Variants in SYT14 observed in about 807,000 individuals in gnomAD.
The protein encoded by SYT14 is synaptotagmin-14.
A neutral mutation model predicts 74.2 loss-of-function variants in SYT14; 32 were observed. That is an observed-to-expected ratio of 0.43 (90% CI 0.33 to 0.58). The LOEUF is 0.58. SYT14 is among the 20% of genes least tolerant of loss of function. The pLI is 0.05. For synonymous variants in SYT14, 298 were observed against 337.7 expected, an observed-to-expected ratio of 0.88 and a Z score of 1.29; for missense variants, 791 against 981.8, an observed-to-expected ratio of 0.81 and a Z score of 2.60.
chr1:209,955,924 G>A (rs1283945213), intron 2 of SYT14, among the ~76,000 whole-genome samples: 1 of 151,984 alleles, frequency 6.6e-6, no homozygotes, highest in Non-Finnish European at 1.5e-5. Context: ...TCCCTAAGTT[G>A]TGTTTCAATT....
intron 2 of SYT14, among the ~76,000 whole-genome samples, chr1:210,006,066 AT>A (rs2079982729): frequency 6.6e-6 from 1 of 151,534 alleles, no homozygotes. Context: ...CTTAGAGGGC[AT>A]TTTTTTTCCC....
At chr1:210,169,233 T>G (rs1024265000) in exon 10 of SYT14, 18 of 139,386 alleles carry the variant, frequency 1.3e-4, no homozygotes, top group African/African-American at 4.5e-4. Context: ...TTTTTTTTTT[T>G]TTTTTTTTTT....
chr1:210,097,744 A>G (rs1362712831), intron 6 of SYT14, among the ~76,000 whole-genome samples: 8 of 152,228 alleles, frequency 5.3e-5, no homozygotes, highest in African/African-American at 1.9e-4. Flanking sequence ...TTTTAACAGA[A>G]TAAGAATATG....
chr1:210,062,152 G>T (rs1390408339), intron 5 of SYT14, among the ~76,000 whole-genome samples: 1 of 151,826 alleles, frequency 6.6e-6, no homozygotes, highest in Non-Finnish European at 1.5e-5. Context: ...ATGCATGACT[G>T]TCTGGTGTGC....
In SYT14 at chr1:210,075,613, A is replaced by T. The variant is rs371350959; in HGVS notation, c.1313-18709A>T. ...CTCCCAAAGTGCTGGAATTACAGGC[A>T]TGAGCCACCGTGCCTGGCCGGTCTT... is the stretch of plus-strand genomic sequence containing the variant. On this transcript the variant is annotated intron_variant, in intron 5 of 9. Transcript: ENST00000637265. 1.1e-4 allele frequency among the ~76,000 whole-genome samples: 17 copies of T among 152,230 alleles called. No homozygotes were observed. In the East Asian group the frequency reaches 2.5e-3, roughly 23 times the overall value.
intron 5 of SYT14, among the ~76,000 whole-genome samples, chr1:210,023,198 A>G (rs2080337776): frequency 6.6e-6 from 1 of 152,228 alleles, no homozygotes; most frequent in Non-Finnish European, 1.5e-5. Flanking sequence ...ATACACTGCT[A>G]GATACTGTGG....
chr1:209,974,876 CTT>C (rs1414502527), intron 2 of SYT14, among the ~76,000 whole-genome samples: 1 of 152,160 alleles, frequency 6.6e-6, no homozygotes, highest in Non-Finnish European at 1.5e-5. Context: ...TTTGTATCCT[CTT>C]TTATTTCATT....
At chr1:210,094,815 A>C (rs2081941379) in intron 6 of SYT14, among the ~76,000 whole-genome samples, 1 of 152,074 alleles carries the variant, frequency 6.6e-6, no homozygotes, top group South Asian at 2.1e-4. Context: ...CCACCACCAA[A>C]AGAAGATGGG....
intron 7 of SYT14, among the ~76,000 whole-genome samples, chr1:210,125,933 G>A (rs1323309856): frequency 6.6e-6 from 1 of 151,928 alleles, no homozygotes; most frequent in Non-Finnish European, 1.5e-5. Context: ...AGCCAGGCAC[G>A]GTGGCCCATG....
intron 2 of SYT14, among the ~76,000 whole-genome samples, chr1:210,007,909 A>T (rs1350568928): frequency 6.6e-6 from 1 of 152,186 alleles, no homozygotes; most frequent in Non-Finnish European, 1.5e-5. Flanking sequence ...CTTGAGTGTT[A>T]AATTTTAAAA....
chr1:210,135,247 G>T (rs1464106186), intron 7 of SYT14, among the ~76,000 whole-genome samples: 1 of 152,004 alleles, frequency 6.6e-6, no homozygotes, highest in African/African-American at 2.4e-5. Flanking sequence ...CTCCCAAGAT[G>T]CTGGGATTAC....
chr1:210,099,896 ACTTT>A (rs1191633484), intron 6 of SYT14, 112 bp from the exon 6 acceptor site: 8 of 1,014,406 alleles, frequency 7.9e-6, no homozygotes, highest in Non-Finnish European at 1.2e-5. Context: ...TTATTGTATT[ACTTT>A]CTTTGTGGCA....
chr1:210,017,269 A>G (rs1439908212), intron 4 of SYT14, among the ~76,000 whole-genome samples: 1 of 152,080 alleles, frequency 6.6e-6, no homozygotes, highest in Non-Finnish European at 1.5e-5. Context: ...ATTTTTTCTA[A>G]AATCATTTCA....
At chr1:210,013,609 A>C in intron 2 of SYT14, 24 bp from the exon 3 acceptor site, 1 of 1,605,746 alleles carries the variant, frequency 6.2e-7, no homozygotes, top group Non-Finnish European at 8.5e-7. Context: ...AAATGCTTAC[A>C]GCTGTGACTT....
intron 7 of SYT14, among the ~76,000 whole-genome samples, chr1:210,105,017 A>G (rs958236973): frequency 1.5e-4 from 23 of 152,080 alleles, no homozygotes; most frequent in Admixed American, 9.2e-4. Flanking sequence ...GTACCTGTTA[A>G]GTTTTTTTTT....
At chr1:209,988,442 T>C (rs2079608770) in intron 2 of SYT14, among the ~76,000 whole-genome samples, 1 of 152,220 alleles carries the variant, frequency 6.6e-6, no homozygotes, top group South Asian at 2.1e-4. Flanking sequence ...ATTTTTCTGC[T>C]AGGTTTTTTT....
At chr1:210,037,857 A>G (rs1401330241) in intron 5 of SYT14, among the ~76,000 whole-genome samples, 4 of 152,004 alleles carry the variant, frequency 2.6e-5, no homozygotes, top group Admixed American at 6.6e-5. Context: ...GTGGCCTACT[A>G]TATGGTCTGT....
chr1:209,968,922 A>G (rs1455834507), intron 2 of SYT14, among the ~76,000 whole-genome samples: 1 of 151,910 alleles, frequency 6.6e-6, no homozygotes, highest in African/African-American at 2.4e-5. Context: ...TATAGTCCCC[A>G]GTGTCTTTTG....
chr1:209,950,310 G>A (rs1051565582), intron 1 of SYT14, among the ~76,000 whole-genome samples: 5 of 152,082 alleles, frequency 3.3e-5, no homozygotes, highest in African/African-American at 4.8e-5. Context: ...ATACATTATA[G>A]TTATGTTATT....
Sources: allele counts gnomAD v4.1 joint callset (sites outside exome capture counted in the v4.1 genomes callset), GRCh38; gene constraint gnomAD v4.1.1; transcripts MANE v1.5; gene names NCBI Gene and HGNC (gene_info 2026-07-23, HGNC 2026-07-21).